Variants in POLN observed in about 807,000 individuals in gnomAD.
POLN encodes the protein DNA polymerase N.
In POLN, 108 loss-of-function variants were observed where a neutral mutation model predicts 113.5. The observed-to-expected ratio is 0.95, with a 90% CI of 0.81 to 1.12. POLN has a LOEUF of 1.12. Ranked by LOEUF, POLN falls within the 50% of genes most tolerant of loss-of-function variation. The probability of loss-of-function intolerance (pLI) is 0.00; values close to 1 mark genes in which losing one functional copy is unlikely to be tolerated. For synonymous variants in POLN, 386 were observed against 391.5 expected, an observed-to-expected ratio of 0.99 and a Z score of 0.17; for missense variants, 1,097 against 1,077.1, an observed-to-expected ratio of 1.02 and a Z score of -0.26.
chr4:2,198,837 A>G, intron 5 of POLN, 120 bp from the exon 6 acceptor site: 18 of 1,001,274 alleles, frequency 1.8e-5, no homozygotes, highest in Non-Finnish European at 2.6e-5. Context: ...GTAAATGAAT[A>G]GTTTTTTAAT....
rs754795572 is a variant in POLN at position 2,171,093 on chromosome 4, T to G, written c.1458+5A>C. ...TTTTATGAAAGAACCAAAATTCAGC[T>G]TTACCTCTCGAAGCTGGTTATTGCT... On this transcript the variant is annotated splice_donor_5th_base_variant and intron_variant, in intron 12 of 25. Coordinates refer to ENST00000511885, the MANE Select transcript of POLN (RefSeq NM_181808.4). 1 of 1,607,648 alleles carries G rather than the reference T, an allele frequency of 6.2e-7. No homozygotes were observed. Among genetic ancestry groups the G allele is most frequent in the Admixed American group, 1.7e-5 (1 of 58,724 alleles).
In POLN at chr4:2,171,151, G is replaced by A. The variant is rs1162208324; in HGVS notation, c.1405C>T (p.His469Tyr). The change falls in exon 12 of 26, where the codon CAT (histidine) becomes TAT (tyrosine). Residue 469 changes from histidine to tyrosine, a missense_variant. Coordinates refer to ENST00000511885, the MANE Select transcript of POLN (RefSeq NM_181808.4). ...AGAAACCGTTCTCCTGCAACAAAAT[G>A]AGCTTCTTGCTCCAATTCCTTGAGA... ...ARLKELEQEA[H>Y]FVAGERFLIT... The A allele has an allele frequency of 1.9e-6, 3 of 1,613,702 alleles. No homozygotes were observed. Among genetic ancestry groups the A allele is most frequent in the Admixed American group, 3.3e-5 (2 of 59,922 alleles).
intron 16 of POLN, among the ~76,000 whole-genome samples, chr4:2,152,895 T>C (rs1455403666): frequency 6.6e-6 from 1 of 152,188 alleles, no homozygotes; most frequent in Non-Finnish European, 1.5e-5. Context: ...TGAAAGCATT[T>C]TGGAAGGCAA....
intron 17 of POLN, among the ~76,000 whole-genome samples, chr4:2,130,044 A>G (rs1387951707): frequency 6.6e-6 from 1 of 151,932 alleles, no homozygotes; most frequent in Non-Finnish European, 1.5e-5. Context: ...ACTTGAGCCC[A>G]GGAGTTTGAG....
chr4:2,093,706 G>C lies in POLN; in HGVS notation c.2065+2145C>G, dbSNP rs1244857160. Among the ~76,000 whole-genome samples, 1 of 152,252 alleles carries C rather than the reference G, an allele frequency of 6.6e-6. No homozygotes were observed. The highest frequency in any genetic ancestry group is 1.5e-5 in the Non-Finnish European group (1 of 68,042). On this transcript the variant is annotated intron_variant, in intron 20 of 25. Coordinates refer to ENST00000511885, the MANE Select transcript of POLN (RefSeq NM_181808.4). The surrounding 1 kb of genome is among the most constrained non-coding windows in gnomAD (Gnocchi z 4.1). ...GGAGGTTCAGGGGTGCAGCACAGAA[G>C]AGGCTGAGAGGAGGCAGTGGACCAA...
Position 2,098,913 on chromosome 4 carries a change from CGT to C in POLN, c.1983-2982_1983-2981del, listed in dbSNP as rs200927467. On this transcript the variant is annotated intron_variant, in intron 19 of 25. Coordinates refer to ENST00000511885, the MANE Select transcript of POLN (RefSeq NM_181808.4). ...ATAAATGTGTGTGCACATGCACGTG[CGT>C]GCGCACACACACACACACACACACA... Among the ~76,000 whole-genome samples, 478 of 61,632 alleles carry C rather than the reference CGT, an allele frequency of 7.8e-3. 11 individuals carry two copies. The East Asian group carries it at 0.17, about 22-fold the overall frequency. The allele number at this position is 61,632 out of a possible 152,430, so 40.4% of individuals were successfully genotyped here.
intron 19 of POLN, among the ~76,000 whole-genome samples, chr4:2,121,367 G>A (rs760382182): frequency 9.3e-5 from 14 of 151,348 alleles, no homozygotes; most frequent in South Asian, 2.1e-4. Flanking sequence ...CCTGGGAAGC[G>A]GAGGTTGCAG....
rs568959578 is a variant in POLN, at chr4:2,131,112, G to A, written c.1789+121C>T. Reference sequence around the variant, plus strand: ...AGGTGGGAGAATCACCTGAGCCCAGGAGGTCAAGGCTGCAGTGAGCTGTGA... The same window carrying A: ...AGGTGGGAGAATCACCTGAGCCCAGAAGGTCAAGGCTGCAGTGAGCTGTGA... On this transcript the variant is annotated intron_variant, in intron 17 of 25. Coordinates refer to ENST00000511885, the MANE Select transcript of POLN (RefSeq NM_181808.4). 1.2e-5 allele frequency: 8 copies of A among 643,136 alleles called. No homozygotes were observed. The South Asian group carries it at 1.4e-4, about 11-fold the overall frequency. 39.8% of individuals were successfully genotyped at this position (643,136 alleles called of 1,614,324 possible).
chr4:2,240,027 C>A, intron 2 of POLN: 1 of 1,603,038 alleles, frequency 6.2e-7, no homozygotes, highest in Middle Eastern at 1.7e-4. Flanking sequence ...AATCTCATTT[C>A]TTATGCTTAC....
chr4:2,229,067 A>G, intron 3 of POLN, 32 bp downstream of exon 3: 1 of 1,550,218 alleles, frequency 6.5e-7, no homozygotes, highest in Non-Finnish European at 8.8e-7. Context: ...TCAAAGTATC[A>G]AGAGAAAGAA....
chr4:2,231,206 C>G (rs1435469990), intron 2 of POLN: 2 of 152,188 alleles, frequency 1.3e-5, no homozygotes, highest in African/African-American at 4.8e-5. Context: ...ATTTGAGCAG[C>G]AGAATTTTAT....
At chr4:2,144,610 G>T (rs568302436) in intron 16 of POLN, among the ~76,000 whole-genome samples, 1 of 151,968 alleles carries the variant, frequency 6.6e-6, no homozygotes, top group Non-Finnish European at 1.5e-5. Context: ...AGGAAATTCC[G>T]TTACCTAGTG....
chr4:2,108,247 G>C (rs1356375521), intron 19 of POLN, among the ~76,000 whole-genome samples: 1 of 152,184 alleles, frequency 6.6e-6, no homozygotes, highest in Admixed American at 6.5e-5. Flanking sequence ...TCCAGAATCA[G>C]ACTGTATGGG....
chr4:2,075,427 G>C, intron 24 of POLN, 25 bp downstream of exon 24: 1 of 1,612,428 alleles, frequency 6.2e-7, no homozygotes, highest in Non-Finnish European at 8.5e-7. Context: ...TGATGTCCAA[G>C]CAACCCTGTG....
chr4:2,150,320 T>G (rs1211625021), intron 16 of POLN, among the ~76,000 whole-genome samples: 1 of 152,090 alleles, frequency 6.6e-6, no homozygotes, highest in African/African-American at 2.4e-5. Context: ...AATATTTTAA[T>G]ATTAGACAAA....
chr4:2,075,311 G>A (rs1730249421), intron 24 of POLN, 141 bp downstream of exon 24: 1 of 944,166 alleles, frequency 1.1e-6, no homozygotes, highest in Non-Finnish European at 1.6e-6. Flanking sequence ...CAGGACCCAG[G>A]TGACACAGCA....
At chr4:2,158,437 T>C (rs916638808) in intron 14 of POLN, among the ~76,000 whole-genome samples, 2 of 152,072 alleles carry the variant, frequency 1.3e-5, no homozygotes, top group African/African-American at 4.8e-5. Context: ...AATTCTAGAA[T>C]CATTCTAGAT....
At chr4:2,179,182 G>A in intron 8 of POLN, 126 bp downstream of exon 8, 1 of 961,320 alleles carries the variant, frequency 1.0e-6, no homozygotes, top group South Asian at 1.7e-5. Context: ...AACTATTTGT[G>A]CTGAATAAGT....
In POLN at chr4:2,081,022, G is replaced by A; in HGVS notation, c.2323C>T (p.Leu775Phe). The A allele has an allele frequency of 1.2e-6, 2 of 1,613,788 alleles. No homozygotes were observed. The highest frequency in any genetic ancestry group is 1.7e-6 in the Non-Finnish European group (2 of 1,179,980). ...ACATGGATCATGGCCAGCTTGCAGAGGTCAGCAGCGGAGCCTATGGGGCGC... is the reference window on the plus strand; with the variant it reads ...ACATGGATCATGGCCAGCTTGCAGAAGTCAGCAGCGGAGCCTATGGGGCGC... ...NFVVQGSAAD[L>F]CKLAMIHVFT... Residue 775 changes from leucine to phenylalanine, a missense_variant, in exon 23 of 26, where the codon CTC becomes TTC. Physicochemically the swap from Leu to Phe is conservative, Grantham distance 22. Transcript: ENST00000511885.
Sources: gnomAD v4.1 joint callset for allele counts (sites outside exome capture counted in the v4.1 genomes callset) on GRCh38, gnomAD v4.1.1 for gene constraint, Gnocchi (gnomAD v3.1) non-coding constraint, MANE v1.5 for transcripts, NCBI Gene and HGNC (gene_info 2026-07-23, HGNC 2026-07-21) for gene names.